The following KREMEN1 variants were observed in gnomAD, a reference collection of about 807,000 sequenced individuals.
KREMEN1 encodes kremen protein 1.
In KREMEN1, 30 loss-of-function variants were observed where a neutral mutation model predicts 46.5. That is an observed-to-expected ratio of 0.65 (90% CI 0.48 to 0.88). KREMEN1 has a LOEUF of 0.88. KREMEN1 is among the 40% of genes least tolerant of loss of function. The probability of loss-of-function intolerance (pLI) is 0.00; values close to 1 mark genes in which losing one functional copy is unlikely to be tolerated. For missense variants in KREMEN1, 533 were observed against 596.9 expected (o/e 0.89, Z 1.11); for synonymous variants, 214 against 230.6 (o/e 0.93, Z 0.65).
intron 3 of KREMEN1, among the ~76,000 whole-genome samples, chr22:29,110,899 G>A (rs924963924): frequency 6.6e-5 from 10 of 152,154 alleles, no homozygotes; most frequent in African/African-American, 2.4e-4. Flanking sequence ...ACCTGTTGAT[G>A]CTCTGAAAGA....
intron 9 of KREMEN1, among the ~76,000 whole-genome samples, chr22:29,163,574 A>G (rs761356866): frequency 1.3e-5 from 2 of 152,046 alleles, no homozygotes; most frequent in Non-Finnish European, 2.9e-5. Flanking sequence ...ACAGGGTTTC[A>G]TCATGTTGGC....
rs761401934 is a variant in KREMEN1 at position 29,137,638 on chromosome 22, A to C, written c.928A>C (p.Ile310Leu). Reference sequence around the variant, plus strand: ...CATCTTGTATTTCTTCTCTGATCGCATCAATCAGGCCCAGGGATTTGCTGT... The same window carrying C: ...CATCTTGTATTTCTTCTCTGATCGCCTCAATCAGGCCCAGGGATTTGCTGT... ...FVILYFFSDRINQAQGFAVLY... is the reference protein window; with the variant it reads ...FVILYFFSDRLNQAQGFAVLY... Residue 310 changes from isoleucine (I) to leucine (L), a missense_variant, in exon 6 of 9, where the codon ATC (isoleucine) becomes CTC (leucine). Coordinates refer to ENST00000400335, the MANE Select transcript of KREMEN1 (RefSeq NM_001039570.3). The C allele has an allele frequency of 8.1e-6, 13 of 1,608,162 alleles. No homozygotes were observed. The highest frequency in any genetic ancestry group is 1.1e-5 in the Non-Finnish European group (13 of 1,175,006).
intron 9 of KREMEN1, among the ~76,000 whole-genome samples, chr22:29,162,181 T>C (rs2145876341): frequency 6.6e-6 from 1 of 151,538 alleles, no homozygotes; most frequent in Middle Eastern, 3.5e-3. Flanking sequence ...GCAAGATTGG[T>C]TCAACATGCA....
Position 29,143,920 on chromosome 22 carries a change from G to T in KREMEN1, c.*1808G>T, listed in dbSNP as rs552653662. 1 of 985,472 alleles carries T rather than the reference G, an allele frequency of 1.0e-6. No homozygotes were observed. Among genetic ancestry groups the T allele is most frequent in the African/African-American group, 1.7e-5 (1 of 57,364 alleles). 61.0% of individuals were successfully genotyped at this position (985,472 alleles called of 1,614,324 possible). On this transcript the variant is annotated 3_prime_UTR_variant, in exon 9 of 9. Coordinates refer to ENST00000400335, the MANE Select transcript of KREMEN1 (RefSeq NM_001039570.3). ...ATTGGTGCCAGAAGAGGGTGGGTTT[G>T]GGAATTGGAGCTCCTCCAAGGAGCT...
chr22:29,158,761 A>C (rs1391550458), intron 9 of KREMEN1, among the ~76,000 whole-genome samples: 1 of 152,232 alleles, frequency 6.6e-6, no homozygotes, highest in East Asian at 1.9e-4. Flanking sequence ...GTGGGAGACC[A>C]AGACCACAGG....
At chr22:29,158,778 G>A (rs1388331079) in intron 9 of KREMEN1, among the ~76,000 whole-genome samples, 1 of 152,216 alleles carries the variant, frequency 6.6e-6, no homozygotes, top group Admixed American at 6.5e-5. Context: ...CAGGAAATGG[G>A]TCTGGAAGAT....
At chr22:29,114,986 G>A (rs981193389) in intron 3 of KREMEN1, among the ~76,000 whole-genome samples, 2 of 152,108 alleles carry the variant, frequency 1.3e-5, no homozygotes, top group Non-Finnish European at 2.9e-5. Context: ...AGCCAAAGAA[G>A]ACAGTGAGAA....
rs867805280 is a variant in KREMEN1, at chr22:29,133,265, A to G, written c.632-4077A>G. Reference sequence around the variant, plus strand: ...TCCATCTCAAAAAAAAAAAAAAGAAAAAAGAAAAAAGATTTTATCTTTGGT... The same window carrying G: ...TCCATCTCAAAAAAAAAAAAAAGAAGAAAGAAAAAAGATTTTATCTTTGGT... On this transcript the variant is annotated intron_variant, in intron 5 of 8. Transcript: ENST00000400335. 8.3e-3 allele frequency among the ~76,000 whole-genome samples: 1,262 copies of G among 151,700 alleles called. 16 individuals carry two copies. The highest frequency in any genetic ancestry group is 0.029 in the African/African-American group (1,205 of 41,300).
Position 29,143,174 on chromosome 22 carries a change from A to C in KREMEN1, c.*1062A>C. On this transcript the variant is annotated 3_prime_UTR_variant, in exon 9 of 9. Coordinates refer to ENST00000400335, the MANE Select transcript of KREMEN1 (RefSeq NM_001039570.3). The stretch of plus-strand genomic sequence containing the variant: ...TCAAAAAAACAAAACACAAATAAAC[A>C]AAAAAAATCCATTCATTTACTCATG... 1.0e-6 allele frequency: 1 copy of C among 977,884 alleles called. No individual in the cohort carries two copies. The highest frequency in any genetic ancestry group is 5.3e-4 in the Middle Eastern group (1 of 1,900). 60.6% of individuals were successfully genotyped at this position (977,884 alleles called of 1,614,324 possible).
intron 3 of KREMEN1, among the ~76,000 whole-genome samples, chr22:29,114,906 A>G (rs2038212933): frequency 6.6e-6 from 1 of 152,246 alleles, no homozygotes; most frequent in Non-Finnish European, 1.5e-5. Flanking sequence ...CAAAATGATT[A>G]AGATAAAATG....
At chr22:29,122,110 G>A (rs1386713320) in intron 4 of KREMEN1, among the ~76,000 whole-genome samples, 2 of 152,124 alleles carry the variant, frequency 1.3e-5, no homozygotes, top group Non-Finnish European at 2.9e-5. Flanking sequence ...AACACTTACA[G>A]CTCAACAATA....
intron 9 of KREMEN1, among the ~76,000 whole-genome samples, chr22:29,163,530 C>G (rs945715251): frequency 6.6e-6 from 1 of 152,072 alleles, no homozygotes; most frequent in African/African-American, 2.4e-5. Flanking sequence ...GGGGCCACCA[C>G]CACGCCCAGC....
chr22:29,101,107 C>G (rs2037967894), intron 3 of KREMEN1, among the ~76,000 whole-genome samples: 1 of 151,892 alleles, frequency 6.6e-6, no homozygotes, highest in African/African-American at 2.4e-5. Context: ...CAAAAATTAG[C>G]CAGGTTTGGT....
At chr22:29,094,604 CACACACA>C (rs2037853268) in intron 2 of KREMEN1, among the ~76,000 whole-genome samples, 184 bp downstream of exon 2, 1 of 143,554 alleles carries the variant, frequency 7.0e-6, no homozygotes, top group Non-Finnish European at 1.5e-5. Context: ...CACACACACA[CACACACA>C]CACAATTTAC....
At chr22:29,096,270 A>G (rs10483154) in intron 2 of KREMEN1, among the ~76,000 whole-genome samples, 13,153 of 152,152 alleles carry the variant, frequency 0.086, 828 homozygotes, top group African/African-American at 0.17. Flanking sequence ...TTGTTCCAAA[A>G]TATCTCTTGG....
intron 4 of KREMEN1, among the ~76,000 whole-genome samples, chr22:29,122,089 A>G (rs1324593909): frequency 2.6e-5 from 4 of 152,244 alleles, no homozygotes; most frequent in Non-Finnish European, 5.9e-5. Context: ...TTGTATACAG[A>G]ATATATAAAG....
In KREMEN1 at chr22:29,111,341, G is replaced by A. The variant is rs568124942; in HGVS notation, c.353-10016G>A. ...AAAAAAAAAAAATTAGGCCGGGTGC[G>A]GTGGCTCACGCCTGTAATCCCAGCA... On this transcript the variant is annotated intron_variant, in intron 3 of 8. Coordinates refer to ENST00000400335, the MANE Select transcript of KREMEN1 (RefSeq NM_001039570.3). Among the ~76,000 whole-genome samples the A allele has an allele frequency of 1.6e-4, 24 of 150,940 alleles. No homozygotes were observed. In the South Asian group the frequency reaches 2.3e-3, roughly 15 times the overall value.
chr22:29,111,895 G>A (rs188606632), intron 3 of KREMEN1, among the ~76,000 whole-genome samples: 3 of 152,252 alleles, frequency 2.0e-5, no homozygotes, highest in Admixed American at 6.5e-5. Flanking sequence ...TATGATGGCC[G>A]TGCCTTCTGT....
chr22:29,166,334 G>A (rs950590356), intron 9 of KREMEN1, among the ~76,000 whole-genome samples: 46 of 151,846 alleles, frequency 3.0e-4, no homozygotes, highest in African/African-American at 1.0e-3. Flanking sequence ...GTGTCTGCTC[G>A]TGTGGAGCCT....
Sources: gnomAD v4.1 joint callset for allele counts (sites outside exome capture counted in the v4.1 genomes callset) on GRCh38, gnomAD v4.1.1 for gene constraint, MANE v1.5 for transcripts, NCBI Gene and HGNC (gene_info 2026-07-23, HGNC 2026-07-21) for gene names.